SORCS3: variants seen among roughly 807,000 people sequenced by gnomAD.
The protein encoded by SORCS3 is VPS10 domain-containing receptor SorCS3.
SORCS3 carries 57 observed loss-of-function variants against 146.3 expected under a neutral mutation model. The ratio of observed to expected loss-of-function variants is 0.39; its 90% CI spans 0.31 to 0.49. The LOEUF (loss-of-function observed/expected upper bound fraction) is 0.49, where lower values mean the gene tolerates loss of function less well. Ranked by LOEUF, SORCS3 falls within the 20% of genes least tolerant of loss-of-function variation. The pLI, the probability that SORCS3 is intolerant of heterozygous loss-of-function variation, is 0.92. For missense variants in SORCS3, 1,341 were observed against 1,575.5 expected (o/e 0.85, Z 2.52); for synonymous variants, 653 against 618.5 (o/e 1.06, Z -0.83).
Position 104,884,490 on chromosome 10 carries a change from G to A in SORCS3, c.696-31343G>A, listed in dbSNP as rs966204303. ...AAATACAGGATAGTGAGCTTTAGGT[G>A]CCAGGGAAAGGATGCAGTCAGCAGA... On this transcript the variant is annotated intron_variant, in intron 2 of 26. Coordinates refer to ENST00000369701, the MANE Select transcript of SORCS3 (RefSeq NM_014978.3). Among the ~76,000 whole-genome samples the A allele has an allele frequency of 6.2e-4, 94 of 152,296 alleles. 2 individuals are homozygous for A. The highest frequency in any genetic ancestry group is 2.2e-3 in the African/African-American group (93 of 41,582).
intron 2 of SORCS3, among the ~76,000 whole-genome samples, chr10:104,858,744 C>G (rs771890181): frequency 2.6e-5 from 4 of 151,772 alleles, no homozygotes; most frequent in African/African-American, 4.8e-5. Flanking sequence ...GCCTCAGCCC[C>G]CTGAGTAGCT....
rs958463054 is a variant in SORCS3 at position 104,900,656 on chromosome 10, C to T, written c.696-15177C>T. On this transcript the variant is annotated intron_variant, in intron 2 of 26. Transcript: ENST00000369701. ...CTGTAATCCCAGGACTTTGGGGGGC[C>T]GAGGTGGGCGGATCATGAGGTCAGG... Among the ~76,000 whole-genome samples the T allele has an allele frequency of 5.9e-5, 9 of 151,898 alleles. No individual in the cohort carries two copies. The East Asian group carries it at 9.7e-4, about 16-fold the overall frequency.
chr10:105,076,811 G>C (rs143154205), intron 5 of SORCS3, among the ~76,000 whole-genome samples: 2 of 152,170 alleles, frequency 1.3e-5, no homozygotes. Context: ...TATTTGCCAA[G>C]CGACTGTTTG....
intron 13 of SORCS3, among the ~76,000 whole-genome samples, chr10:105,174,343 G>C (rs1008831511): frequency 3.3e-5 from 5 of 152,016 alleles, no homozygotes; most frequent in Non-Finnish European, 7.4e-5. Context: ...ACTGACCTGA[G>C]GAGGAGAAGG....
chr10:105,047,492 T>C (rs2055381334), intron 5 of SORCS3, among the ~76,000 whole-genome samples: 1 of 152,126 alleles, frequency 6.6e-6, no homozygotes, highest in African/African-American at 2.4e-5. Flanking sequence ...GCTGATAAAG[T>C]AATGTACTCT....
intron 14 of SORCS3, among the ~76,000 whole-genome samples, chr10:105,185,289 G>A (rs1043433156): frequency 2.6e-5 from 4 of 152,142 alleles, no homozygotes; most frequent in African/African-American, 9.7e-5. Context: ...ACTCACAGGT[G>A]TATCTTGCTT....
intron 7 of SORCS3, among the ~76,000 whole-genome samples, chr10:105,106,038 G>A (rs1160921150): frequency 6.6e-6 from 1 of 152,104 alleles, no homozygotes; most frequent in African/African-American, 2.4e-5. Flanking sequence ...TCATATTTAG[G>A]CAGAGCAGGG....
At chr10:105,255,871 A>G in intron 24 of SORCS3, 70 bp downstream of exon 24, 1 of 1,246,822 alleles carries the variant, frequency 8.0e-7, no homozygotes, top group Non-Finnish European at 1.2e-6. Flanking sequence ...GGAGGAGAGA[A>G]TCATGAAACC....
chr10:104,813,158 A>G (rs1438812017), intron 1 of SORCS3, among the ~76,000 whole-genome samples: 3 of 152,044 alleles, frequency 2.0e-5, no homozygotes, highest in Non-Finnish European at 4.4e-5. Context: ...GTGCCAAAGT[A>G]TTTTCAGCTT....
chr10:104,718,440 G>A (rs1024418150), intron 1 of SORCS3, among the ~76,000 whole-genome samples: 1 of 152,056 alleles, frequency 6.6e-6, no homozygotes, highest in Non-Finnish European at 1.5e-5. Flanking sequence ...ACCTCTTAAA[G>A]GTAACCACCT....
chr10:105,218,732 G>T (rs2056679849), intron 19 of SORCS3, among the ~76,000 whole-genome samples: 2 of 152,116 alleles, frequency 1.3e-5, no homozygotes, highest in African/African-American at 4.8e-5. Context: ...TATCTTCATT[G>T]CTGGCTGGGC....
chr10:104,849,052 A>G (rs2018239578), intron 2 of SORCS3, among the ~76,000 whole-genome samples: 1 of 152,186 alleles, frequency 6.6e-6, no homozygotes, highest in Non-Finnish European at 1.5e-5. Context: ...AATATGGCAA[A>G]TATATTTTGT....
chr10:104,912,440 C>T (rs11192227), intron 2 of SORCS3, among the ~76,000 whole-genome samples: 40,033 of 152,132 alleles, frequency 0.26, 6,574 homozygotes, highest in African/African-American at 0.47. Flanking sequence ...GTCATTTAAC[C>T]GTAATTCTAC....
At chr10:104,681,425 A>G (rs1229981924) in intron 1 of SORCS3, among the ~76,000 whole-genome samples, 8 of 152,060 alleles carry the variant, frequency 5.3e-5, no homozygotes, top group Non-Finnish European at 8.8e-5. Context: ...TTTTGCGTCA[A>G]TTCACCCAAT....
chr10:104,970,250 G>T (rs1038558233), intron 3 of SORCS3, among the ~76,000 whole-genome samples: 12 of 152,194 alleles, frequency 7.9e-5, no homozygotes, highest in African/African-American at 2.6e-4. Flanking sequence ...GGGTTCAAGT[G>T]ATTCTCATGC....
intron 4 of SORCS3, among the ~76,000 whole-genome samples, chr10:104,999,255 T>C (rs904947648): frequency 6.6e-6 from 1 of 152,200 alleles, no homozygotes; most frequent in African/African-American, 2.4e-5. Context: ...TCTTAACTGG[T>C]TCATACAGAA....
At chr10:104,674,512 C>A (rs1485441901) in intron 1 of SORCS3, among the ~76,000 whole-genome samples, 1 of 152,212 alleles carries the variant, frequency 6.6e-6, no homozygotes, top group Non-Finnish European at 1.5e-5. Flanking sequence ...AGGCCCTTGG[C>A]CCTATATCCA....
intron 1 of SORCS3, among the ~76,000 whole-genome samples, chr10:104,721,131 C>G (rs909869707): frequency 6.6e-6 from 1 of 152,058 alleles, no homozygotes; most frequent in South Asian, 2.1e-4. Flanking sequence ...AAGTCTTTAA[C>G]CCATCTTGAA....
At chr10:104,692,181 T>G (rs1290087769) in intron 1 of SORCS3, among the ~76,000 whole-genome samples, 2 of 152,064 alleles carry the variant, frequency 1.3e-5, no homozygotes, top group East Asian at 3.9e-4. Flanking sequence ...TCCTCCTTCC[T>G]TCTCAGTTGG....
Sources: gnomAD v4.1 joint callset for allele counts (sites outside exome capture counted in the v4.1 genomes callset) on GRCh38, gnomAD v4.1.1 for gene constraint, MANE v1.5 for transcripts, NCBI Gene and HGNC (gene_info 2026-07-23, HGNC 2026-07-21) for gene names.